Variants in MYH8 observed in about 807,000 individuals in gnomAD.
MYH8 encodes the protein myosin heavy chain 8.
In MYH8, 168 loss-of-function variants were observed where a neutral mutation model predicts 233.2. The observed-to-expected ratio is 0.72, with a 90% CI of 0.64 to 0.82. The LOEUF is 0.82. Among genes scored for constraint, MYH8 ranks in the 40% least tolerant of loss-of-function variants. The pLI, the probability that MYH8 is intolerant of heterozygous loss-of-function variation, is 0.00. For synonymous variants in MYH8, 785 were observed against 850.6 expected (o/e 0.92, Z 1.34); for missense variants, 1,995 against 2,327.8 (o/e 0.86, Z 2.94).
chr17:10,412,570 G>T (rs2072252755), intron 13 of MYH8, 40 bp downstream of exon 13: 1 of 1,614,210 alleles, frequency 6.2e-7, no homozygotes, highest in Non-Finnish European at 8.5e-7. Context: ...ATGCCATGAA[G>T]GCCTGAGATG....
chr17:10,403,832 A>G (rs1417963341), intron 22 of MYH8, among the ~76,000 whole-genome samples: 2 of 152,196 alleles, frequency 1.3e-5, no homozygotes, highest in Non-Finnish European at 2.9e-5. Context: ...GATTTGTATC[A>G]GAGGAAGAAT....
At chr17:10,391,813 C>G in intron 39 of MYH8, 69 bp downstream of exon 39, 1 of 1,131,950 alleles carries the variant, frequency 8.8e-7, no homozygotes, top group Middle Eastern at 1.9e-4. Flanking sequence ...CTTATTGACG[C>G]ATTCTCTTAA....
At chr17:10,410,681 C>T in intron 15 of MYH8, 96 bp downstream of exon 15, 3 of 1,593,174 alleles carry the variant, frequency 1.9e-6, no homozygotes, top group Non-Finnish European at 2.6e-6. Context: ...GTTCAGATCA[C>T]AAACCATTTG....
At chr17:10,392,301 AC>A (rs2072033543) in intron 38 of MYH8, among the ~76,000 whole-genome samples, 2 of 146,630 alleles carry the variant, frequency 1.4e-5, no homozygotes, top group African/African-American at 2.7e-5. Flanking sequence ...TAGGACTAAT[AC>A]CCAGTTAATC....
chr17:10,395,051 G>A, intron 34 of MYH8, 82 bp downstream of exon 34: 2 of 1,476,402 alleles, frequency 1.4e-6, no homozygotes, highest in East Asian at 2.3e-5. Context: ...GAGAAAAAAA[G>A]GATCGTTTAA....
At chr17:10,407,109 A>G in intron 17 of MYH8, 130 bp from the exon 18 acceptor site, 1 of 755,716 alleles carries the variant, frequency 1.3e-6, no homozygotes, top group African/African-American at 1.7e-5. Context: ...ATTGCTCTGT[A>G]TTTTGAGGGT....
intron 12 of MYH8, among the ~76,000 whole-genome samples, chr17:10,413,547 C>T (rs1054841774): frequency 1.3e-5 from 2 of 152,188 alleles, no homozygotes; most frequent in Admixed American, 1.3e-4. Context: ...TCTCTGCTGT[C>T]AGTTCCTAGG....
chr17:10,420,257 C>T lies in MYH8; in HGVS notation c.-30G>A, dbSNP rs781317585. 6.2e-7 allele frequency: 1 copy of T among 1,610,310 alleles called. No homozygotes were observed. Among genetic ancestry groups the T allele is most frequent in the South Asian group, 1.1e-5 (1 of 90,962 alleles). On this transcript the variant is annotated splice_region_variant and 5_prime_UTR_variant, in exon 3 of 40. Transcript: ENST00000403437. The stretch of plus-strand genomic sequence containing the variant: ...GCGATTTATTTAGCAAAGGATTCTG[C>T]CTAGGGAGGAGAGAAACGGGAGAGA...
At chr17:10,394,226 T>G in intron 35 of MYH8, 23 bp downstream of exon 35, 1 of 1,613,682 alleles carries the variant, frequency 6.2e-7, no homozygotes, top group Non-Finnish European at 8.5e-7. Context: ...TACACCAGCA[T>G]TTGTTTGATG....
chr17:10,407,609 A>G (rs1261761813), intron 17 of MYH8, among the ~76,000 whole-genome samples: 7 of 151,996 alleles, frequency 4.6e-5, no homozygotes, highest in African/African-American at 1.7e-4. Context: ...AGGAGGCCAA[A>G]GCGGGCGGAT....
chr17:10,418,627 G>A lies in MYH8; in HGVS notation c.511+18C>T. Reference sequence around the variant, plus strand: ...TTCTATTTACACATTTCTGTAAATAGATGCCTCACTCACTCACCAGTCAAC... The same window carrying A: ...TTCTATTTACACATTTCTGTAAATAAATGCCTCACTCACTCACCAGTCAAC... On this transcript the variant is annotated intron_variant, in intron 5 of 39. Transcript: ENST00000403437. 3 of 1,613,730 alleles carry A rather than the reference G, an allele frequency of 1.9e-6. No individual in the cohort carries two copies. Among genetic ancestry groups the A allele is most frequent in the Non-Finnish European group, 2.5e-6 (3 of 1,179,852 alleles).
At chr17:10,405,492 C>T (rs1438730630) in intron 21 of MYH8, among the ~76,000 whole-genome samples, 3 of 152,106 alleles carry the variant, frequency 2.0e-5, no homozygotes, top group Non-Finnish European at 4.4e-5. Flanking sequence ...AGGAACACTT[C>T]CAGTGCAGGC....
chr17:10,419,799 T>C lies in MYH8; in HGVS notation c.210+219A>G, dbSNP rs1420134491. Among the ~76,000 whole-genome samples the C allele has an allele frequency of 6.6e-6, 1 of 152,146 alleles. No homozygotes were observed. On this transcript the variant is annotated intron_variant, in intron 3 of 39. Transcript: ENST00000403437. The surrounding 1 kb of genome is among the most constrained non-coding windows in gnomAD (Gnocchi z 4.0). ...GAAGTGGGGAATTGAAGGGAAATGG[T>C]GAAGGCCATACATAGTGGGGTGAGG...
chr17:10,412,620 G>C lies in MYH8; in HGVS notation c.1256C>G (p.Thr419Ser). 6.2e-7 allele frequency: 1 copy of C among 1,614,230 alleles called. No individual in the cohort carries two copies. The highest frequency in any genetic ancestry group is 8.5e-7 in the Non-Finnish European group (1 of 1,180,040). Reference sequence around the variant, plus strand: ...AGGTCATGCACTTACCTGCTGCACAGTCTGGCCTTTGGTGACATACTCATT... The same window carrying C: ...AGGTCATGCACTTACCTGCTGCACACTCTGGCCTTTGGTGACATACTCATT... ...VGNEYVTKGQ[T>S]VQQVYNAVGA... is the part of the protein sequence containing the mutation. The change falls in exon 13 of 40, where the codon ACT becomes AGT. Residue 419 changes from threonine (T) to serine (S), a missense_variant. Thr to Ser is a moderately conservative substitution (Grantham distance 58). This residue lies in a region of MYH8 where 479 missense variants were observed against 600.9 expected (regional missense o/e 0.80). Coordinates refer to ENST00000403437, the MANE Select transcript of MYH8 (RefSeq NM_002472.3).
chr17:10,414,988 G>T, intron 9 of MYH8, 128 bp downstream of exon 9: 5 of 857,784 alleles, frequency 5.8e-6, no homozygotes, highest in Non-Finnish European at 8.0e-6. Flanking sequence ...CCTAGCATTA[G>T]CTTACAGGCA....
chr17:10,393,480 ATTT>A (rs1378574244), intron 35 of MYH8, among the ~76,000 whole-genome samples: 2 of 152,192 alleles, frequency 1.3e-5, no homozygotes, highest in South Asian at 4.1e-4. Flanking sequence ...TTTTAATTAT[ATTT>A]CAGTCAGACA....
intron 5 of MYH8, among the ~76,000 whole-genome samples, chr17:10,416,256 G>A (rs942393395): frequency 6.6e-6 from 1 of 152,144 alleles, no homozygotes; most frequent in African/African-American, 2.4e-5. Context: ...TGTCCTCAAG[G>A]TTCATTCATA....
At position 10,396,336 on chromosome 17, in the gene MYH8, T is replaced by C; in HGVS notation, c.4647A>G (p.Glu1549=). ...EKCEIQAALE[E]AEASLEHEEG... is the part of the protein sequence containing the mutation. ...AATACAAGGTAATATGTACCTCTGC[T>C]TCCTCTAAAGCAGCCTGAATTTCAC... The change falls in exon 33 of 40, where the codon GAA becomes GAG. Residue 1549 remains glutamate, a synonymous_variant. Coordinates refer to ENST00000403437, the MANE Select transcript of MYH8 (RefSeq NM_002472.3). The surrounding 1 kb of genome is among the most constrained non-coding windows in gnomAD (Gnocchi z 4.2). The C allele has an allele frequency of 6.2e-7, 1 of 1,614,050 alleles. No homozygotes were observed. Among genetic ancestry groups the C allele is most frequent in the African/African-American group, 1.3e-5 (1 of 75,074 alleles).
Position 10,398,592 on chromosome 17 carries a change from C to T in MYH8, c.4030G>A (p.Asp1344Asn), listed in dbSNP as rs775346508. ...HALQSSRHDC[D>N]LLREQYEEEQ... ...TCCTCATACTGTTCCCGCAGCAGGT[C>T]GCAGTCATGGCGGGAGGACTGCAGG... The change falls in exon 30 of 40, where the codon GAC becomes AAC. Residue 1344 changes from aspartate to asparagine, a missense_variant. Physicochemically the swap from Asp to Asn is conservative, Grantham distance 23 (BLOSUM62 1). Coordinates refer to ENST00000403437, the MANE Select transcript of MYH8 (RefSeq NM_002472.3). 5.6e-6 allele frequency: 9 copies of T among 1,614,170 alleles called. No homozygotes were observed. Among genetic ancestry groups the T allele is most frequent in the East Asian group, 4.5e-5 (2 of 44,878 alleles).
Sources: gnomAD v4.1 joint callset for allele counts (sites outside exome capture counted in the v4.1 genomes callset) on GRCh38, gnomAD v4.1.1 for gene constraint, gnomAD v4.1.1 regional missense constraint, Gnocchi (gnomAD v3.1) non-coding constraint, MANE v1.5 for transcripts, NCBI Gene and HGNC (gene_info 2026-07-23, HGNC 2026-07-21) for gene names.